The following GUCY2D variants were observed in gnomAD, a reference collection of about 807,000 sequenced individuals.
GUCY2D encodes the protein guanylate cyclase 2D, retinal.
A neutral mutation model predicts 101.3 loss-of-function variants in GUCY2D; 70 were observed. The ratio of observed to expected loss-of-function variants is 0.69; its 90% CI spans 0.57 to 0.84. The LOEUF (loss-of-function observed/expected upper bound fraction) is 0.84. Ranked by LOEUF, GUCY2D falls within the 40% of genes least tolerant of loss-of-function variation. The pLI is 0.00. For synonymous variants in GUCY2D, 688 were observed against 670.7 expected (o/e 1.03, Z -0.40); for missense variants, 1,460 against 1,542.5 (o/e 0.95, Z 0.90).
intron 7 of GUCY2D, 61 bp from the exon 8 acceptor site, chr17:8,009,444 AG>A: frequency 1.9e-6 from 2 of 1,026,918 alleles, no homozygotes; most frequent in South Asian, 2.5e-5. Context: ...GAGGGGTTCT[AG>A]GGCTCCCCAT....
intron 4 of GUCY2D, 149 bp downstream of exon 4, chr17:8,006,863 T>G (rs1975754486): frequency 1.1e-6 from 1 of 875,452 alleles, no homozygotes; most frequent in Non-Finnish European, 1.9e-6. Context: ...ACCCCTCTCT[T>G]GCTGAGCTCC....
rs2151802788 is a variant in GUCY2D at position 8,013,146 on chromosome 17, G to A, written c.2157G>A (p.Leu719=). 2 of 1,613,818 alleles carry A rather than the reference G, an allele frequency of 1.2e-6. No individual in the cohort carries two copies. Among genetic ancestry groups the A allele is most frequent in the Non-Finnish European group, 1.7e-6 (2 of 1,179,960 alleles). ...TAPELLRDPA[L]ERRGTLAGDV... Reference sequence around the variant, plus strand: ...CGGAGCTGCTTAGGGACCCAGCCCTGGAGCGCCGGGGAACGCTGGCCGGCG... The same window carrying A: ...CGGAGCTGCTTAGGGACCCAGCCCTAGAGCGCCGGGGAACGCTGGCCGGCG... Residue 719 remains leucine (L), a synonymous_variant, in exon 11 of 20, where the codon CTG becomes CTA. Transcript: ENST00000254854. The surrounding 1 kb of genome is among the most constrained non-coding windows in gnomAD (Gnocchi z 5.0).
chr17:8,017,930 G>A (rs935032695), intron 19 of GUCY2D, among the ~76,000 whole-genome samples: 1 of 152,206 alleles, frequency 6.6e-6, no homozygotes, highest in Non-Finnish European at 1.5e-5. Context: ...CTGACATCAA[G>A]TGATCTGCCC....
Position 8,013,911 on chromosome 17 carries a change from A to G in GUCY2D, c.2295A>G (p.Pro765=). ...TGCAGAGGGTGCGGAGCCCCCCTCC[A>G]CTGTGTCGGCCCTTGGTGTCCATGG... is the stretch of plus-strand genomic sequence containing the variant. ...EVVQRVRSPP[P]LCRPLVSMDQ... The change falls in exon 12 of 20, where the codon CCA becomes CCG. Residue 765 remains proline (P), a synonymous_variant. Coordinates refer to ENST00000254854, the MANE Select transcript of GUCY2D (RefSeq NM_000180.4). The surrounding 1 kb of genome is among the most constrained non-coding windows in gnomAD (Gnocchi z 5.0). The G allele has an allele frequency of 6.2e-7, 1 of 1,613,458 alleles. No individual in the cohort carries two copies.
intron 8 of GUCY2D, 82 bp downstream of exon 8, chr17:8,009,668 T>A (rs1482344915): frequency 4.4e-6 from 4 of 918,532 alleles, no homozygotes; most frequent in Admixed American, 1.7e-5. Context: ...GGTACAGAGG[T>A]AGGTCTCAGT....
chr17:8,012,984 G>T, intron 10 of GUCY2D, 119 bp from the exon 11 acceptor site: 1 of 837,462 alleles, frequency 1.2e-6, no homozygotes, highest in South Asian at 1.7e-5. Context: ...GTCTCAGGTT[G>T]CAGGGTCTCA....
chr17:8,015,279 TC>T (rs772808446), intron 14 of GUCY2D, 48 bp from the exon 15 acceptor site: 31 of 1,551,576 alleles, frequency 2.0e-5, no homozygotes, highest in Non-Finnish European at 2.5e-5. Context: ...CTTCGTGTAC[TC>T]GGGGGGAATG....
rs1290360925 is a variant in GUCY2D at position 8,015,744 on chromosome 17, T to A, written c.2946T>A (p.Gly982=). The A allele has an allele frequency of 1.2e-6, 2 of 1,606,532 alleles. No homozygotes were observed. Among genetic ancestry groups the A allele is most frequent in the Non-Finnish European group, 1.7e-6 (2 of 1,176,480 alleles). Residue 982 remains glycine, a splice_region_variant and synonymous_variant, in exon 16 of 20, where the codon GGT becomes GGA. Transcript: ENST00000254854. ...CGCCGACCCCCAGCATCTCCACAGG[T>A]CCATGCGTGGCAGGCGTGGTGGGCC... ...PVRIRIGLHS[G]PCVAGVVGLT...
In GUCY2D at chr17:8,015,842, G is replaced by A. The variant is rs1254515881; in HGVS notation, c.3043+1G>A. On this transcript the variant is annotated splice_donor_variant, in intron 16 of 19. Transcript: ENST00000254854. LOFTEE classifies it high-confidence loss of function. ...TCGCGCATGGAGTCCACCGGGCTGC[G>A]TGAGTGTGACGGGGACAAGACGGGG... The A allele has an allele frequency of 1.9e-6, 3 of 1,611,362 alleles. No individual in the cohort carries two copies. The highest frequency in any genetic ancestry group is 2.5e-6 in the Non-Finnish European group (3 of 1,178,618).
Position 8,003,346 on chromosome 17 carries a change from T to C in GUCY2D, c.299T>C (p.Leu100Pro), listed in dbSNP as rs1975669981. Residue 100 changes from leucine to proline, a missense_variant, in exon 2 of 20, where the codon CTG becomes CCG. Leu to Pro is a moderately conservative substitution (Grantham distance 98, BLOSUM62 -3). Transcript: ENST00000254854. ...GGCGGTCCCCGCTTCGAGGTAGCGC[T>C]GCTGCCCGAGCCTTGCCGGACGCCG... The part of the protein sequence containing the change: ...LAGGPRFEVA[L>P]LPEPCRTPGS... 3 of 1,477,760 alleles carry C rather than the reference T, an allele frequency of 2.0e-6. No homozygotes were observed. Among genetic ancestry groups the C allele is most frequent in the African/African-American group, 1.5e-5 (1 of 67,962 alleles). 91.5% of individuals were successfully genotyped at this position (1,477,760 alleles called of 1,614,324 possible).
At position 8,016,274 on chromosome 17, in the gene GUCY2D, C is replaced by A; in HGVS notation, c.3208C>A (p.Pro1070Thr). 1 of 1,575,146 alleles carries A rather than the reference C, an allele frequency of 6.3e-7. No homozygotes were observed. The highest frequency in any genetic ancestry group is 1.3e-5 in the African/African-American group (1 of 74,540). Residue 1070 changes from proline to threonine, a missense_variant, in exon 18 of 20, where the codon CCT becomes ACT. Pro to Thr is a conservative substitution (Grantham distance 38, BLOSUM62 -1). Transcript: ENST00000254854. ...RGFNKPIPKPPDLQPGSSNHG... is the reference protein window; with the variant it reads ...RGFNKPIPKPTDLQPGSSNHG... ...CTTCAACAAGCCCATCCCCAAACCGCCTGACCTGCAACCGGGGTGAGGGGC... is the reference window on the plus strand; with the variant it reads ...CTTCAACAAGCCCATCCCCAAACCGACTGACCTGCAACCGGGGTGAGGGGC...
At chr17:8,004,200 G>A (rs2151799796) in intron 3 of GUCY2D, 44 bp downstream of exon 3, 3 of 1,518,792 alleles carry the variant, frequency 2.0e-6, no homozygotes, top group Non-Finnish European at 2.7e-6. Context: ...GGAGAGGGGA[G>A]AGGACAGCCA....
chr17:8,014,602 T>TCAAGAA lies in GUCY2D; in HGVS notation c.2417_2422dup (p.Lys806_Asn807dup). ...TTACCAGCTTCCTTCTACTGCTAGT[T>TCAAGAA]CAAGAACATCAACAAGGGCCGGAAG... On this transcript the variant is annotated inframe_insertion and splice_region_variant, in exon 13 of 20. Coordinates refer to ENST00000254854, the MANE Select transcript of GUCY2D (RefSeq NM_000180.4). This position sits in a 1 kb window ranked among gnomAD's most constrained non-coding sequence, Gnocchi z 4.0. The TCAAGAA allele has an allele frequency of 6.2e-7, 1 of 1,614,054 alleles. No individual in the cohort carries two copies.
rs201717870 is a variant in GUCY2D at position 8,012,615 on chromosome 17, C to T, written c.2113+9C>T. On this transcript the variant is annotated intron_variant, in intron 10 of 19. Coordinates refer to ENST00000254854, the MANE Select transcript of GUCY2D (RefSeq NM_000180.4). The stretch of plus-strand genomic sequence containing the variant: ...GCCTCCCAGAGCGGAGGGTAAGAGT[C>T]CCCTGTGCAGACGAGGATCCACCGG... 2.5e-6 allele frequency: 4 copies of T among 1,608,444 alleles called. No individual in the cohort carries two copies. In the African/African-American group the frequency reaches 5.3e-5, roughly 21 times the overall value.
Position 8,016,217 on chromosome 17 carries a change from G to A in GUCY2D, c.3151G>A (p.Glu1051Lys), listed in dbSNP as rs1273973537. 2 of 1,589,806 alleles carry A rather than the reference G, an allele frequency of 1.3e-6. No individual in the cohort carries two copies. Among genetic ancestry groups the A allele is most frequent in the Non-Finnish European group, 1.7e-6 (2 of 1,168,212 alleles). ...GRTELKGKGA[E>K]DTFWLVGRRG... is the part of the protein sequence containing the mutation. ...CATGTCTCCCCAGGGCAAGGGCGCCGAGGACACTTTCTGGCTAGTGGGCAG... is the reference window on the plus strand; with the variant it reads ...CATGTCTCCCCAGGGCAAGGGCGCCAAGGACACTTTCTGGCTAGTGGGCAG... The change falls in exon 18 of 20, where the codon GAG becomes AAG. Residue 1051 changes from glutamate (E) to lysine (K), a missense_variant. Transcript: ENST00000254854.
Position 8,013,104 on chromosome 17 carries a change from C to G in GUCY2D, c.2115C>G (p.Asp705Glu), listed in dbSNP as rs915140006. The G allele has an allele frequency of 1.1e-5, 18 of 1,611,952 alleles. No homozygotes were observed. The highest frequency in any genetic ancestry group is 1.5e-5 in the Non-Finnish European group (18 of 1,179,480). ...CCTCAGCCCCTTCCCCATCCCCAGA[C>G]CAGCTGTGGACAGCCCCGGAGCTGC... The part of the protein sequence containing the change: ...KVLPEPPRAE[D>E]QLWTAPELLR... Residue 705 changes from aspartate to glutamate, a missense_variant and splice_region_variant, in exon 11 of 20, where the codon GAC becomes GAG. Around this residue, in one of 3 missense-constraint regions of GUCY2D, gnomAD observed 1,196 missense variants for 1,229.6 expected, o/e 0.97. Coordinates refer to ENST00000254854, the MANE Select transcript of GUCY2D (RefSeq NM_000180.4). This position sits in a 1 kb window ranked among gnomAD's most constrained non-coding sequence, Gnocchi z 5.0.
chr17:8,006,585 A>T lies in GUCY2D; in HGVS notation c.1249A>T (p.Thr417Ser), dbSNP rs753928228. 3.3e-5 allele frequency: 54 copies of T among 1,613,506 alleles called. No individual in the cohort carries two copies. The highest frequency in any genetic ancestry group is 4.6e-5 in the Non-Finnish European group (54 of 1,179,978). ...TDAAGDRLFATYMLDPARGSF... is the reference protein window; with the variant it reads ...TDAAGDRLFASYMLDPARGSF... Reference sequence around the variant, plus strand: ...CGCGGCGGGAGACCGGCTTTTTGCCACATACATGCTGGATCCTGCCCGGGG... The same window carrying T: ...CGCGGCGGGAGACCGGCTTTTTGCCTCATACATGCTGGATCCTGCCCGGGG... Residue 417 changes from threonine (T) to serine (S), a missense_variant, in exon 4 of 20, where the codon ACA (threonine) becomes TCA (serine). Thr to Ser is a moderately conservative substitution (Grantham distance 58). Coordinates refer to ENST00000254854, the MANE Select transcript of GUCY2D (RefSeq NM_000180.4).
chr17:8,016,307 C>A lies in GUCY2D; in HGVS notation c.3224+17C>A, dbSNP rs1033324120. The stretch of plus-strand genomic sequence containing the variant: ...GCAACCGGGGTGAGGGGCCGGCCTC[C>A]GCGGCAGGGCGAGGGACGAGGGACC... On this transcript the variant is annotated intron_variant, in intron 18 of 19. Coordinates refer to ENST00000254854, the MANE Select transcript of GUCY2D (RefSeq NM_000180.4). 3.2e-6 allele frequency: 5 copies of A among 1,539,724 alleles called. No individual in the cohort carries two copies. Among genetic ancestry groups the A allele is most frequent in the Non-Finnish European group, 3.5e-6 (4 of 1,133,932 alleles).
At position 8,015,458 on chromosome 17, in the gene GUCY2D, A is replaced by C; in HGVS notation, c.2900A>C (p.His967Pro). 6.2e-7 allele frequency: 1 copy of C among 1,613,742 alleles called. No individual in the cohort carries two copies. Among genetic ancestry groups the C allele is most frequent in the South Asian group, 1.1e-5 (1 of 91,060 alleles). Residue 967 changes from histidine (H) to proline (P), a missense_variant, in exon 15 of 20, where the codon CAT becomes CCT. Around this residue, in one of 3 missense-constraint regions of GUCY2D, gnomAD observed 215 missense variants for 227.9 expected, o/e 0.94. Transcript: ENST00000254854. ...GCCGTGGGCACTTTCCGCATGCGCC[A>C]TATGCCTGAGGTTCCCGTGCGCATC... Reference protein sequence around the residue: ...LSAVGTFRMRHMPEVPVRIRI... With the variant: ...LSAVGTFRMRPMPEVPVRIRI...
Sources: gnomAD v4.1 joint callset for allele counts (sites outside exome capture counted in the v4.1 genomes callset) on GRCh38, gnomAD v4.1.1 for gene constraint, gnomAD v4.1.1 regional missense constraint, Gnocchi (gnomAD v3.1) non-coding constraint, MANE v1.5 for transcripts, NCBI Gene and HGNC (gene_info 2026-07-23, HGNC 2026-07-21) for gene names.